The following TRIOBP variants were observed in gnomAD, a reference collection of about 807,000 sequenced individuals.
TRIOBP encodes the protein TRIO and F-actin binding protein, also known as TRIO and F-actin-binding protein.
TRIOBP carries 169 observed loss-of-function variants against 238.8 expected under a neutral mutation model. That is an observed-to-expected ratio of 0.71 (90% CI 0.62 to 0.80). The LOEUF is 0.80. Among genes scored for constraint, TRIOBP ranks in the 30% least tolerant of loss-of-function variants. The pLI is 0.00. For missense variants in TRIOBP, 2,838 were observed against 3,122.6 expected, an observed-to-expected ratio of 0.91 and a Z score of 2.17; for synonymous variants, 1,150 against 1,274.4, an observed-to-expected ratio of 0.90 and a Z score of 2.08.
intron 11 of TRIOBP, among the ~76,000 whole-genome samples, chr22:37,743,591 G>A (rs1052723619): frequency 6.6e-6 from 1 of 152,158 alleles, no homozygotes; most frequent in South Asian, 2.1e-4. Flanking sequence ...CTGGCCACTG[G>A]AGCCCAGTTA....
In TRIOBP at chr22:37,757,875, G is replaced by A. The variant is rs756746707; in HGVS notation, c.5950G>A (p.Glu1984Lys). Residue 1984 changes from glutamate to lysine, a missense_variant, in exon 16 of 24, where the codon GAG becomes AAG. By Grantham distance (56) the Glu-to-Lys change is moderately conservative (BLOSUM62 1). Around this residue, in one of 5 missense-constraint regions of TRIOBP, gnomAD observed 2,096 missense variants for 2,137.4 expected, o/e 0.98. Coordinates refer to ENST00000644935, the MANE Select transcript of TRIOBP (RefSeq NM_001039141.3). ...GGAGCGGGACCTGGCCCAGCGCTCC[G>A]AGGAGCGGCGCAAGTGGTTTGAGGC... ...ELERDLAQRS[E>K]ERRKWFEATD... is the part of the protein sequence containing the mutation. The A allele has an allele frequency of 9.7e-6, 15 of 1,552,926 alleles. No individual in the cohort carries two copies. The Admixed American group carries it at 9.7e-5, about 10-fold the overall frequency.
rs891954644 is a variant in TRIOBP at position 37,765,059 on chromosome 22, G to C, written c.6325-611G>C. On this transcript the variant is annotated intron_variant, in intron 17 of 23. Coordinates refer to ENST00000644935, the MANE Select transcript of TRIOBP (RefSeq NM_001039141.3). The stretch of plus-strand genomic sequence containing the variant: ...GCATTTTGGGAGGCCAAGGCCGGCA[G>C]ATCACAAGGTCAGAAGTTCAAGACC... Among the ~76,000 whole-genome samples, 9 of 152,216 alleles carry C rather than the reference G, an allele frequency of 5.9e-5. 1 individual carries two copies. The highest frequency in any genetic ancestry group is 5.8e-4 in the East Asian group (3 of 5,198).
chr22:37,710,491 CT>C lies in TRIOBP; in HGVS notation c.180del (p.Glu61ArgfsTer58). 6.2e-7 allele frequency: 1 copy of C among 1,613,060 alleles called. No homozygotes were observed. ...YCDLPRCPPAPEDPLSASTSG... is the reference protein window; with the variant it reads ...YCDLPRCPPAXEDPLSASTSG... ...GACCTGCCTCGATGTCCACCTGCCC[CT>C]GAGGACCCACTCAGCGCCTCAACCT... On this transcript the variant is annotated frameshift_variant, in exon 4 of 24. Transcript: ENST00000644935. LOFTEE classifies it high-confidence loss of function.
chr22:37,725,182 G>A lies in TRIOBP; in HGVS notation c.2626G>A (p.Glu876Lys). The part of the protein sequence containing the change: ...TSSSQCCTQK[E>K]NLRPSSPHRS... ...CTCATCTCAATGCTGCACCCAAAAG[G>A]AGAATCTGAGACCATCATCTCCCCA... The change falls in exon 7 of 24, where the codon GAG becomes AAG. Residue 876 changes from glutamate to lysine, a missense_variant. Physicochemically the swap from Glu to Lys is moderately conservative, Grantham distance 56. Coordinates refer to ENST00000644935, the MANE Select transcript of TRIOBP (RefSeq NM_001039141.3). The A allele has an allele frequency of 6.2e-7, 1 of 1,614,006 alleles. No homozygotes were observed. The highest frequency in any genetic ancestry group is 2.2e-5 in the East Asian group (1 of 44,886).
In TRIOBP at chr22:37,771,694, G is replaced by A. The variant is rs772051197; in HGVS notation, c.6894G>A (p.Lys2298=). The change falls in exon 22 of 24, where the codon AAG becomes AAA. Residue 2298 remains lysine (K), a synonymous_variant. Transcript: ENST00000644935. ...AAAACGAACTCCAGTACCTAAAGAA[G>A]GAGGTGCAGTGCCTCCGGGACGAGC... ...VKENELQYLK[K]EVQCLRDELQ... is the part of the protein sequence containing the mutation. 1 of 1,614,176 alleles carries A rather than the reference G, an allele frequency of 6.2e-7. No individual in the cohort carries two copies. Among genetic ancestry groups the A allele is most frequent in the Non-Finnish European group, 8.5e-7 (1 of 1,180,030 alleles).
At chr22:37,771,482 C>T (rs560239675) in intron 21 of TRIOBP, among the ~76,000 whole-genome samples, 168 bp from the exon 22 acceptor site, 26 of 152,148 alleles carry the variant, frequency 1.7e-4, no homozygotes, top group South Asian at 2.1e-4. Flanking sequence ...GCAGGGGAAT[C>T]GGAGAGGGCT....
At position 37,735,341 on chromosome 22, in the gene TRIOBP, G is replaced by A. The variant is rs752688138; in HGVS notation, c.5005G>A (p.Val1669Met). ...CTCCACCCAGTGGCCAAAGATCAAA[G>A]TGACAAGAGGACCAGCGACCGCAAC... ...CTSTQWPKIK[V>M]TRGPATATLA... The change falls in exon 9 of 24, where the codon GTG becomes ATG. Residue 1669 changes from valine to methionine, a missense_variant. Around this residue, in one of 5 missense-constraint regions of TRIOBP, gnomAD observed 2,096 missense variants for 2,137.4 expected, o/e 0.98. Coordinates refer to ENST00000644935, the MANE Select transcript of TRIOBP (RefSeq NM_001039141.3). The A allele has an allele frequency of 6.2e-7, 1 of 1,613,244 alleles. No individual in the cohort carries two copies. Among genetic ancestry groups the A allele is most frequent in the African/African-American group, 1.3e-5 (1 of 74,934 alleles).
chr22:37,713,966 A>G (rs1923388596), intron 5 of TRIOBP, among the ~76,000 whole-genome samples: 1 of 151,930 alleles, frequency 6.6e-6, no homozygotes, highest in African/African-American at 2.4e-5. Flanking sequence ...CAAAAGGAAA[A>G]TGACAGGGGG....
At position 37,726,376 on chromosome 22, in the gene TRIOBP, G is replaced by A; in HGVS notation, c.3820G>A (p.Ala1274Thr). ...GGAGCGGGAGGAGTACACTGTGCTG[G>A]CCGACCTGCCCCCACCCAGGAGGCT... is the stretch of plus-strand genomic sequence containing the variant. ...NLEREEYTVL[A>T]DLPPPRRLAQ... is the part of the protein sequence containing the mutation. Residue 1274 changes from alanine to threonine, a missense_variant, in exon 7 of 24, where the codon GCC (alanine) becomes ACC (threonine). Transcript: ENST00000644935. The A allele has an allele frequency of 6.3e-7, 1 of 1,594,144 alleles. No individual in the cohort carries two copies. The highest frequency in any genetic ancestry group is 8.5e-7 in the Non-Finnish European group (1 of 1,169,746).
intron 9 of TRIOBP, among the ~76,000 whole-genome samples, chr22:37,736,974 G>C (rs781706420): frequency 3.3e-5 from 5 of 152,172 alleles, no homozygotes. Context: ...TGAGCCCATG[G>C]GAGGACTGGA....
At position 37,759,187 on chromosome 22, in the gene TRIOBP, C is replaced by T. The variant is rs768665120; in HGVS notation, c.6247C>T (p.Arg2083Cys). ...QALRAQLEAWRLQGEAPQSAL... is the reference protein window; with the variant it reads ...QALRAQLEAWCLQGEAPQSAL... ...TCTTCGGGCCCAGCTGGAGGCGTGG[C>T]GTCTCCAAGGGGAGGCTCCTCAGAG... is the stretch of plus-strand genomic sequence containing the variant. Residue 2083 changes from arginine (R) to cysteine (C), a missense_variant, in exon 17 of 24, where the codon CGT becomes TGT. By Grantham distance (180) the Arg-to-Cys change is radical. Transcript: ENST00000644935. 6.2e-6 allele frequency: 10 copies of T among 1,612,802 alleles called. No homozygotes were observed. Among genetic ancestry groups the T allele is most frequent in the African/African-American group, 2.7e-5 (2 of 74,898 alleles).
At chr22:37,756,771 T>C (rs1601658150) in intron 15 of TRIOBP, among the ~76,000 whole-genome samples, 1 of 148,962 alleles carries the variant, frequency 6.7e-6, no homozygotes, top group Admixed American at 6.6e-5. Context: ...TTTGGCAGGG[T>C]GACCACGTAC....
intron 11 of TRIOBP, among the ~76,000 whole-genome samples, chr22:37,745,657 C>T (rs1925185398): frequency 6.6e-6 from 1 of 152,230 alleles, no homozygotes; most frequent in Non-Finnish European, 1.5e-5. Context: ...CCGCCTCTTC[C>T]TGTGTGACCT....
chr22:37,757,465 C>A, intron 15 of TRIOBP, 148 bp from the exon 16 acceptor site: 1 of 1,103,342 alleles, frequency 9.1e-7, no homozygotes, highest in Non-Finnish European at 1.3e-6. Flanking sequence ...GTCTGTTAAC[C>A]AGGAAGCTCA....
chr22:37,757,845 G>A lies in TRIOBP; in HGVS notation c.5920G>A (p.Glu1974Lys), dbSNP rs1447606406. ...RTPDRLAKQE[E>K]LERDLAQRSE... ...TCCTGACCGCCTGGCCAAGCAGGAG[G>A]AGCTGGAGCGGGACCTGGCCCAGCG... is the stretch of plus-strand genomic sequence containing the variant. The change falls in exon 16 of 24, where the codon GAG becomes AAG. Residue 1974 changes from glutamate (E) to lysine (K), a missense_variant. Physicochemically the swap from Glu to Lys is moderately conservative, Grantham distance 56. Coordinates refer to ENST00000644935, the MANE Select transcript of TRIOBP (RefSeq NM_001039141.3). The A allele has an allele frequency of 2.6e-6, 4 of 1,551,206 alleles. No individual in the cohort carries two copies. The East Asian group carries it at 7.3e-5, about 28-fold the overall frequency.
At chr22:37,753,055 T>C (rs1007319110) in intron 12 of TRIOBP, among the ~76,000 whole-genome samples, 1 of 152,162 alleles carries the variant, frequency 6.6e-6, no homozygotes, top group Non-Finnish European at 1.5e-5. Context: ...ATAGAACCCC[T>C]GTCCTACTTT....
At chr22:37,697,792 C>T (rs932892755) in intron 2 of TRIOBP, 96 bp downstream of exon 2, 1 of 152,482 alleles carries the variant, frequency 6.6e-6, no homozygotes, top group South Asian at 2.1e-4. Context: ...CCCCCTGGGG[C>T]TCTGTGTGAG....
intron 22 of TRIOBP, chr22:37,771,995 C>T (rs1926800771): frequency 3.7e-6 from 2 of 545,320 alleles, no homozygotes; most frequent in Non-Finnish European, 3.4e-6. Flanking sequence ...TTATTGAGCA[C>T]CTACTATATC....
At chr22:37,758,336 T>C (rs1478956960) in intron 16 of TRIOBP, among the ~76,000 whole-genome samples, 198 bp downstream of exon 16, 1 of 152,228 alleles carries the variant, frequency 6.6e-6, no homozygotes, top group African/African-American at 2.4e-5. Flanking sequence ...GGTTTTGTTT[T>C]GTTTTTTCCT....
Sources: gnomAD v4.1 joint callset for allele counts (sites outside exome capture counted in the v4.1 genomes callset) on GRCh38, gnomAD v4.1.1 for gene constraint, gnomAD v4.1.1 regional missense constraint, MANE v1.5 for transcripts, NCBI Gene and HGNC (gene_info 2026-07-23, HGNC 2026-07-21) for gene names.